Variants in PTPN1 observed in about 807,000 individuals in gnomAD.
The protein encoded by PTPN1 is tyrosine-protein phosphatase non-receptor type 1.
A neutral mutation model predicts 59.9 loss-of-function variants in PTPN1; 12 were observed. The observed-to-expected ratio is 0.20, with a 90% CI of 0.13 to 0.32. PTPN1 has a LOEUF of 0.32. PTPN1 is among the 10% of genes least tolerant of loss of function. PTPN1 has a pLI of 1.00. For synonymous variants in PTPN1, 178 were observed against 203.6 expected (o/e 0.87, Z 1.07); for missense variants, 356 against 549.2 (o/e 0.65, Z 3.52).
intron 1 of PTPN1, among the ~76,000 whole-genome samples, chr20:50,560,162 G>C (rs2082745651): frequency 6.6e-6 from 1 of 152,076 alleles, no homozygotes; most frequent in Non-Finnish European, 1.5e-5. Flanking sequence ...GTGTCTCTTG[G>C]GGAAAAGGAC....
At chr20:50,555,722 A>ATT (rs879269992) in intron 1 of PTPN1, among the ~76,000 whole-genome samples, 1 of 143,558 alleles carries the variant, frequency 7.0e-6, no homozygotes. Flanking sequence ...TCTTACCTCT[A>ATT]TTTTTTTTTT....
intron 1 of PTPN1, among the ~76,000 whole-genome samples, chr20:50,515,975 A>G (rs184964187): frequency 6.6e-6 from 1 of 152,268 alleles, no homozygotes; most frequent in East Asian, 1.9e-4. Context: ...AGCTGATACC[A>G]CTGATTTGTT....
At chr20:50,566,342 G>A (rs1311721898) in intron 3 of PTPN1, among the ~76,000 whole-genome samples, 10 of 152,154 alleles carry the variant, frequency 6.6e-5, no homozygotes, top group Admixed American at 6.5e-4. Context: ...CTGTTGTCGG[G>A]TGTATCATGT....
chr20:50,574,488 C>A (rs778633975), intron 4 of PTPN1, 29 bp from the exon 5 acceptor site: 1 of 1,569,866 alleles, frequency 6.4e-7, no homozygotes, highest in Middle Eastern at 1.7e-4. Flanking sequence ...ATATTGCTCA[C>A]AATAATTCAC....
intron 1 of PTPN1, among the ~76,000 whole-genome samples, chr20:50,528,400 A>G (rs1177498732): frequency 1.3e-5 from 2 of 152,148 alleles, no homozygotes; most frequent in Non-Finnish European, 2.9e-5. Flanking sequence ...AGTACCCAAT[A>G]TAGTGTTTGG....
At chr20:50,570,110 C>A (rs998610891) in intron 4 of PTPN1, among the ~76,000 whole-genome samples, 1 of 152,234 alleles carries the variant, frequency 6.6e-6, no homozygotes, top group Non-Finnish European at 1.5e-5. Flanking sequence ...AAAAAAAGCA[C>A]AGTCATGGCC....
At chr20:50,529,360 A>G (rs1208220798) in intron 1 of PTPN1, among the ~76,000 whole-genome samples, 2 of 152,204 alleles carry the variant, frequency 1.3e-5, no homozygotes, top group African/African-American at 4.8e-5. Flanking sequence ...GCAGGAAGCA[A>G]AGCTCTTGTT....
intron 4 of PTPN1, among the ~76,000 whole-genome samples, chr20:50,569,659 G>A (rs534848102): frequency 1.0e-4 from 15 of 150,446 alleles, no homozygotes; most frequent in Admixed American, 9.2e-4. Flanking sequence ...TGTGTAGATT[G>A]TCTGTGTAGA....
chr20:50,522,152 C>T (rs189654668), intron 1 of PTPN1, among the ~76,000 whole-genome samples: 53 of 152,258 alleles, frequency 3.5e-4, no homozygotes, highest in Admixed American at 7.2e-4. Flanking sequence ...CTTCCCTTCC[C>T]GCCCTTCCTC....
In PTPN1 at chr20:50,534,219, C is replaced by T. The variant is rs142643687; in HGVS notation, c.63+23629C>T. ...GATTACAGGTGTTAGCCACTGCACCCGGCCGAAGCTGTCATATTAAATAGC... is the reference window on the plus strand; with the variant it reads ...GATTACAGGTGTTAGCCACTGCACCTGGCCGAAGCTGTCATATTAAATAGC... On this transcript the variant is annotated intron_variant, in intron 1 of 9. Transcript: ENST00000371621. Among the ~76,000 whole-genome samples the T allele has an allele frequency of 7.2e-3, 1,103 of 152,278 alleles. 9 individuals are homozygous for T. The highest frequency in any genetic ancestry group is 0.025 in the African/African-American group (1,052 of 41,546).
chr20:50,569,354 C>T (rs1332837329), intron 4 of PTPN1, among the ~76,000 whole-genome samples: 3 of 152,222 alleles, frequency 2.0e-5, no homozygotes, highest in Non-Finnish European at 4.4e-5. Flanking sequence ...TTCTCTGGGC[C>T]GAGGAGTCCC....
intron 1 of PTPN1, among the ~76,000 whole-genome samples, chr20:50,529,871 TATTATC>T (rs1161494626): frequency 1.3e-5 from 2 of 152,154 alleles, no homozygotes; most frequent in African/African-American, 4.8e-5. Flanking sequence ...GATTTATTAT[TATTATC>T]ATTATCATTA....
At chr20:50,562,335 G>T (rs1450250539) in intron 2 of PTPN1, among the ~76,000 whole-genome samples, 1 of 152,198 alleles carries the variant, frequency 6.6e-6, no homozygotes, top group African/African-American at 2.4e-5. Context: ...TGCCAGAAGG[G>T]TTAGCAGTGC....
chr20:50,528,066 C>T (rs1385664318), intron 1 of PTPN1, among the ~76,000 whole-genome samples: 2 of 152,208 alleles, frequency 1.3e-5, no homozygotes, highest in African/African-American at 4.8e-5. Flanking sequence ...GTCTTTGCCT[C>T]TCATGGAGCC....
chr20:50,529,405 A>G (rs1004893742), intron 1 of PTPN1, among the ~76,000 whole-genome samples: 1 of 152,240 alleles, frequency 6.6e-6, no homozygotes, highest in African/African-American at 2.4e-5. Flanking sequence ...GTAGTCCAAT[A>G]TAAAAGTAAA....
intron 1 of PTPN1, among the ~76,000 whole-genome samples, chr20:50,529,421 G>A (rs564007425): frequency 2.6e-5 from 4 of 152,290 alleles, no homozygotes; most frequent in South Asian, 4.1e-4. Flanking sequence ...GTAAAAACTG[G>A]ATGACAATGG....
At chr20:50,565,788 C>T (rs756013853) in intron 3 of PTPN1, among the ~76,000 whole-genome samples, 6 of 152,096 alleles carry the variant, frequency 3.9e-5, no homozygotes, top group Non-Finnish European at 8.8e-5. Flanking sequence ...TTTTGTTTCT[C>T]ATTCCATGTC....
Position 50,581,459 on chromosome 20 carries a change from G to T in PTPN1, c.1283G>T (p.Arg428Met). 1 of 1,598,598 alleles carries T rather than the reference G, an allele frequency of 6.3e-7. No homozygotes were observed. The highest frequency in any genetic ancestry group is 8.6e-7 in the Non-Finnish European group (1 of 1,167,164). ...VLTAGAYLCY[R>M]FLFNSNT ...ACGGCCGGCGCTTACCTCTGCTACA[G>T]GGTATGTTTCCACTGACAGACGCGC... The change falls in exon 9 of 10, where the codon AGG (arginine) becomes ATG (methionine). Residue 428 changes from arginine (R) to methionine (M), a missense_variant and splice_region_variant. By Grantham distance (91) the Arg-to-Met change is moderately conservative (BLOSUM62 -1). Transcript: ENST00000371621.
intron 3 of PTPN1, among the ~76,000 whole-genome samples, chr20:50,566,232 G>A (rs1476291945): frequency 6.6e-6 from 1 of 152,216 alleles, no homozygotes; most frequent in Admixed American, 6.5e-5. Flanking sequence ...TGAGGCAAAA[G>A]TGACTTCTTG....
Sources: gnomAD v4.1 joint callset for allele counts (sites outside exome capture counted in the v4.1 genomes callset) on GRCh38, gnomAD v4.1.1 for gene constraint, MANE v1.5 for transcripts, NCBI Gene and HGNC (gene_info 2026-07-23, HGNC 2026-07-21) for gene names.